Variants in PNPLA7 observed in about 807,000 individuals in gnomAD.
PNPLA7 encodes the protein patatin-like phospholipase domain-containing protein 7.
Under a neutral mutation model 161.7 loss-of-function variants are expected in PNPLA7, and 153 were observed. That is an observed-to-expected ratio of 0.95 (90% CI 0.83 to 1.08). The LOEUF is 1.08. PNPLA7 is among the 50% of genes least tolerant of loss of function. PNPLA7 has a pLI of 0.00. For synonymous variants in PNPLA7, 809 were observed against 782.1 expected (o/e 1.03, Z -0.57); for missense variants, 1,739 against 1,856.6 (o/e 0.94, Z 1.16).
In PNPLA7 at chr9:137,477,168, C is replaced by A. The variant is rs187061090; in HGVS notation, c.2882+866G>T. Among the ~76,000 whole-genome samples, 488 of 152,376 alleles carry A rather than the reference C, an allele frequency of 3.2e-3. 1 individual carries two copies. The highest frequency in any genetic ancestry group is 5.4e-3 in the Non-Finnish European group (367 of 68,036). ...GAGGCTCCGCCCTGCCCCTTACGCA[C>A]CTGGCTCAGCAGAGGGGCACATGCC... On this transcript the variant is annotated intron_variant, in intron 25 of 34. Transcript: ENST00000406427.
chr9:137,547,159 G>A lies in PNPLA7; in HGVS notation c.193+150C>T, dbSNP rs1190799535. 2.0e-5 allele frequency: 17 copies of A among 846,574 alleles called. No individual in the cohort carries two copies. Among genetic ancestry groups the A allele is most frequent in the South Asian group, 6.2e-5 (4 of 64,158 alleles). The allele number at this position is 846,574 out of a possible 1,614,324, so 52.4% of individuals were successfully genotyped here. On this transcript the variant is annotated intron_variant, in intron 3 of 34. Coordinates refer to ENST00000406427, the MANE Select transcript of PNPLA7 (RefSeq NM_001098537.3). The surrounding 1 kb of genome is among the most constrained non-coding windows in gnomAD (Gnocchi z 4.6). ...TGAACAGACTTGGCTTCCTGGAACC[G>A]ACGGGCTCAGCCTGAGCCCAGACGG...
chr9:137,547,959 AGCAG>A lies in PNPLA7; in HGVS notation c.31-304_31-301del, dbSNP rs1441700768. 6.6e-6 allele frequency among the ~76,000 whole-genome samples: 1 copy of A among 152,098 alleles called. No individual in the cohort carries two copies. Among genetic ancestry groups the A allele is most frequent in the Non-Finnish European group, 1.5e-5 (1 of 68,000 alleles). ...AATCCTTGGGATGCAGGTCTCAGGG[AGCAG>A]GCCTGGCCAAAGGGGAGGCCAAGGC... On this transcript the variant is annotated intron_variant, in intron 1 of 34. Transcript: ENST00000406427. This position sits in a 1 kb window ranked among gnomAD's most constrained non-coding sequence, Gnocchi z 4.6.
chr9:137,471,102 C>T (rs892966252), intron 25 of PNPLA7, among the ~76,000 whole-genome samples: 3 of 152,150 alleles, frequency 2.0e-5, no homozygotes, highest in Admixed American at 6.5e-5. Context: ...ACAGAAAGAA[C>T]GTACATATGC....
rs1304911827 is a variant in PNPLA7 at position 137,467,249 on chromosome 9, C to T, written c.3039+68G>A. 4 of 1,521,224 alleles carry T rather than the reference C, an allele frequency of 2.6e-6. No homozygotes were observed. The African/African-American group carries it at 4.1e-5, about 16-fold the overall frequency. 94.2% of individuals were successfully genotyped at this position (1,521,224 alleles called of 1,614,324 possible). The stretch of plus-strand genomic sequence containing the variant: ...AGCCACATGCAGAGGCCAACGGCCC[C>T]AGCGTCCCCCAGCACCAGCAAGGAC... On this transcript the variant is annotated intron_variant, in intron 26 of 34. Transcript: ENST00000406427. This position sits in a 1 kb window ranked among gnomAD's most constrained non-coding sequence, Gnocchi z 5.1.
At chr9:137,529,313 C>T (rs768305889) in intron 8 of PNPLA7, among the ~76,000 whole-genome samples, 1 of 152,086 alleles carries the variant, frequency 6.6e-6, no homozygotes, top group Non-Finnish European at 1.5e-5. Flanking sequence ...TGTTTTCCAT[C>T]TAAGTATTGA....
At chr9:137,464,574 G>T (rs1454116532) in intron 26 of PNPLA7, 118 bp from the exon 27 acceptor site, 2 of 953,868 alleles carry the variant, frequency 2.1e-6, no homozygotes, top group African/African-American at 1.6e-5. Flanking sequence ...GTGTCCTTGG[G>T]CCCCACCCAC....
intron 25 of PNPLA7, among the ~76,000 whole-genome samples, chr9:137,473,954 T>C (rs1831825473): frequency 6.6e-6 from 1 of 152,116 alleles, no homozygotes; most frequent in African/African-American, 2.4e-5. Flanking sequence ...GAACAAGAGT[T>C]GGGGCTGGGT....
chr9:137,500,577 C>T lies in PNPLA7; in HGVS notation c.1757+114G>A, dbSNP rs1833337198. On this transcript the variant is annotated intron_variant, in intron 16 of 34. Coordinates refer to ENST00000406427, the MANE Select transcript of PNPLA7 (RefSeq NM_001098537.3). This position sits in a 1 kb window ranked among gnomAD's most constrained non-coding sequence, Gnocchi z 5.5. ...CAGGTGCCGGGGACAAAGAGGGGAG[C>T]CCGAGAAGCAGGGAAGAGGGTGAGA... The T allele has an allele frequency of 3.0e-6, 3 of 989,804 alleles. No homozygotes were observed. Among genetic ancestry groups the T allele is most frequent in the South Asian group, 1.6e-5 (1 of 61,728 alleles). 61.3% of individuals were successfully genotyped at this position (989,804 alleles called of 1,614,324 possible).
chr9:137,507,329 C>A (rs1358842581), intron 12 of PNPLA7, among the ~76,000 whole-genome samples: 1 of 152,264 alleles, frequency 6.6e-6, no homozygotes, highest in Non-Finnish European at 1.5e-5. Context: ...CTGGCTGCAG[C>A]CACACAGGGG....
intron 19 of PNPLA7, among the ~76,000 whole-genome samples, chr9:137,494,821 C>G (rs1231155049): frequency 1.3e-5 from 2 of 150,362 alleles, no homozygotes; most frequent in Non-Finnish European, 3.0e-5. Flanking sequence ...CTCACCTGCT[C>G]CGTGACCTCA....
chr9:137,517,032 C>T (rs1413689308), intron 11 of PNPLA7, among the ~76,000 whole-genome samples: 2 of 146,518 alleles, frequency 1.4e-5, no homozygotes, highest in Non-Finnish European at 3.0e-5. Flanking sequence ...CTGTCCACTC[C>T]ATCCCCTGTC....
At chr9:137,478,956 A>G in intron 24 of PNPLA7, 100 bp downstream of exon 24, 1 of 1,374,270 alleles carries the variant, frequency 7.3e-7, no homozygotes, top group Non-Finnish European at 9.7e-7. Context: ...CCAGGAGCGC[A>G]GGTGTCAGGG....
In PNPLA7 at chr9:137,490,734, A is replaced by C. The variant is rs546827714; in HGVS notation, c.2197+2279T>G. 2.0e-4 allele frequency among the ~76,000 whole-genome samples: 30 copies of C among 152,372 alleles called. No homozygotes were observed. The highest frequency in any genetic ancestry group is 1.6e-3 in the Admixed American group (25 of 15,308). On this transcript the variant is annotated intron_variant, in intron 20 of 34. Coordinates refer to ENST00000406427, the MANE Select transcript of PNPLA7 (RefSeq NM_001098537.3). The surrounding 1 kb of genome is among the most constrained non-coding windows in gnomAD (Gnocchi z 4.1). Reference sequence around the variant, plus strand: ...AACCTGAGATGCCGCAAATGAAAGAAGAGCAGGAGGACGGTGACCCTGGGT... The same window carrying C: ...AACCTGAGATGCCGCAAATGAAAGACGAGCAGGAGGACGGTGACCCTGGGT...
rs1299442794 is a variant in PNPLA7, at chr9:137,500,115, G to C, written c.1757+576C>G. The stretch of plus-strand genomic sequence containing the variant: ...CTGGGCCTGGAGGGGCCAAATCTGA[G>C]ACTTACGGGCTGGGGTCAAGTGGAC... On this transcript the variant is annotated intron_variant, in intron 16 of 34. Transcript: ENST00000406427. The surrounding 1 kb of genome is among the most constrained non-coding windows in gnomAD (Gnocchi z 5.5). 1.3e-5 allele frequency among the ~76,000 whole-genome samples: 2 copies of C among 152,146 alleles called. No individual in the cohort carries two copies.
intron 8 of PNPLA7, among the ~76,000 whole-genome samples, chr9:137,539,922 A>T (rs574126471): frequency 2.0e-5 from 3 of 152,168 alleles, no homozygotes; most frequent in African/African-American, 7.2e-5. Context: ...AGTAGCTGGG[A>T]TTACTGGCGC....
chr9:137,467,195 G>A lies in PNPLA7; in HGVS notation c.3039+122C>T. ...AAGCTGCACTGGGAGGCTTCAGGGG[G>A]TAGCCTCCTCGAGGGCAGGGCCCTG... On this transcript the variant is annotated intron_variant, in intron 26 of 34. Transcript: ENST00000406427. The surrounding 1 kb of genome is among the most constrained non-coding windows in gnomAD (Gnocchi z 5.1). The A allele has an allele frequency of 7.5e-7, 1 of 1,340,880 alleles. No homozygotes were observed. 83.1% of individuals were successfully genotyped at this position (1,340,880 alleles called of 1,614,324 possible).
intron 23 of PNPLA7, 112 bp from the exon 24 acceptor site, chr9:137,479,350 T>C (rs2132137438): frequency 1.5e-6 from 2 of 1,364,928 alleles, no homozygotes; most frequent in South Asian, 1.8e-5. Flanking sequence ...GAGCAGCTCC[T>C]GGGTTCTGCA....
chr9:137,480,078 G>A (rs766540723), intron 23 of PNPLA7, among the ~76,000 whole-genome samples: 8 of 152,252 alleles, frequency 5.3e-5, no homozygotes, highest in East Asian at 1.9e-4. Flanking sequence ...AAAGGCGGCC[G>A]GAGGCTGCGG....
intron 15 of PNPLA7, 148 bp downstream of exon 15, chr9:137,501,502 C>T (rs1014877622): frequency 1.3e-5 from 10 of 765,722 alleles, no homozygotes; most frequent in Non-Finnish European, 2.1e-5. Flanking sequence ...AGGGGAGGGG[C>T]TCTGCCATGG....
Sources: allele counts gnomAD v4.1 joint callset (sites outside exome capture counted in the v4.1 genomes callset), GRCh38; gene constraint gnomAD v4.1.1; non-coding constraint Gnocchi (gnomAD v3.1); transcripts MANE v1.5; gene names NCBI Gene and HGNC (gene_info 2026-07-23, HGNC 2026-07-21).